The following SMURF2 variants were observed in gnomAD, a reference collection of about 807,000 sequenced individuals.
The protein encoded by SMURF2 is SMAD specific E3 ubiquitin protein ligase 2.
Under a neutral mutation model 109.6 loss-of-function variants are expected in SMURF2, and 48 were observed. The ratio of observed to expected loss-of-function variants is 0.44; its 90% CI spans 0.35 to 0.56. The LOEUF (loss-of-function observed/expected upper bound fraction) is 0.56. SMURF2 is among the 20% of genes least tolerant of loss of function. The pLI is 0.01. For synonymous variants in SMURF2, 288 were observed against 317.1 expected, an observed-to-expected ratio of 0.91 and a Z score of 0.97; for missense variants, 575 against 909.0, an observed-to-expected ratio of 0.63 and a Z score of 4.72.
chr17:64,546,458 C>A, intron 17 of SMURF2, 120 bp from the exon 18 acceptor site: 1 of 761,392 alleles, frequency 1.3e-6, no homozygotes, highest in Non-Finnish European at 2.1e-6. Context: ...GCTAATGAAT[C>A]CACACATACT....
intron 1 of SMURF2, among the ~76,000 whole-genome samples, chr17:64,620,086 G>A (rs1290183107): frequency 1.3e-5 from 2 of 152,032 alleles, no homozygotes; most frequent in African/African-American, 4.8e-5. Flanking sequence ...ACTGCACCAC[G>A]TTTCCAGTCA....
intron 1 of SMURF2, among the ~76,000 whole-genome samples, chr17:64,617,976 T>C (rs2144691937): frequency 6.6e-6 from 1 of 152,340 alleles, no homozygotes; most frequent in African/African-American, 2.4e-5. Flanking sequence ...TAGATCTACT[T>C]TGACATAATA....
chr17:64,557,409 A>G (rs943211549), intron 13 of SMURF2, among the ~76,000 whole-genome samples, 199 bp downstream of exon 13: 1 of 152,206 alleles, frequency 6.6e-6, no homozygotes, highest in African/African-American at 2.4e-5. Context: ...GTGCTACTAT[A>G]AACAATAAAC....
At chr17:64,586,315 T>C in intron 5 of SMURF2, 145 bp from the exon 6 acceptor site, 1 of 523,862 alleles carries the variant, frequency 1.9e-6, no homozygotes, top group Non-Finnish European at 3.3e-6. Context: ...AATTTATAAT[T>C]TCTTTTCCCA....
At chr17:64,656,498 C>G (rs1450209078) in intron 1 of SMURF2, among the ~76,000 whole-genome samples, 3 of 152,142 alleles carry the variant, frequency 2.0e-5, no homozygotes, top group African/African-American at 7.2e-5. Context: ...TTAGCTTATA[C>G]TTATAACAGA....
chr17:64,582,857 C>T (rs1969595966), intron 7 of SMURF2, among the ~76,000 whole-genome samples: 2 of 151,868 alleles, frequency 1.3e-5, no homozygotes, highest in African/African-American at 4.8e-5. Context: ...CCTTGGCCTT[C>T]CAAAGTGTTG....
intron 1 of SMURF2, among the ~76,000 whole-genome samples, chr17:64,609,777 T>G (rs1346517639): frequency 2.0e-5 from 3 of 151,840 alleles, no homozygotes; most frequent in Admixed American, 6.6e-5. Context: ...ACAAATGGGA[T>G]CTAACTAAAG....
intron 3 of SMURF2, among the ~76,000 whole-genome samples, chr17:64,597,739 C>T (rs1325371640): frequency 2.0e-5 from 3 of 150,504 alleles, no homozygotes; most frequent in Non-Finnish European, 4.4e-5. Flanking sequence ...TGCCACTGCA[C>T]TCCAACCTGG....
chr17:64,645,266 T>C (rs1555692900), intron 1 of SMURF2, among the ~76,000 whole-genome samples: 1 of 152,134 alleles, frequency 6.6e-6, no homozygotes, highest in African/African-American at 2.4e-5. Flanking sequence ...TAAATAAATT[T>C]GAAGAAAAAG....
intron 1 of SMURF2, among the ~76,000 whole-genome samples, chr17:64,639,502 G>A (rs575777006): frequency 6.6e-5 from 10 of 152,186 alleles, no homozygotes; most frequent in African/African-American, 2.2e-4. Context: ...ACTTGAACCC[G>A]GGAGGCGGAG....
intron 1 of SMURF2, among the ~76,000 whole-genome samples, chr17:64,648,737 G>A (rs931489968): frequency 1.3e-5 from 2 of 152,148 alleles, no homozygotes; most frequent in Admixed American, 6.6e-5. Flanking sequence ...CTGAGCGACA[G>A]AGTGAGACCC....
chr17:64,563,922 CT>C (rs1555684747), intron 10 of SMURF2, among the ~76,000 whole-genome samples: 1 of 152,096 alleles, frequency 6.6e-6, no homozygotes, highest in Non-Finnish European at 1.5e-5. Context: ...AAAATTGCTG[CT>C]CTTCAAAAGA....
intron 1 of SMURF2, among the ~76,000 whole-genome samples, chr17:64,636,749 T>G (rs566083936): frequency 6.6e-6 from 1 of 151,066 alleles, no homozygotes; most frequent in African/African-American, 2.4e-5. Flanking sequence ...GCTGCACTCC[T>G]GCCTAGGCGA....
chr17:64,558,523 G>A (rs182573414), intron 12 of SMURF2, among the ~76,000 whole-genome samples: 2 of 152,136 alleles, frequency 1.3e-5, no homozygotes, highest in East Asian at 1.9e-4. Context: ...TTTTGTTGTA[G>A]TATTAAGGAC....
At chr17:64,616,866 C>T (rs1194099184) in intron 1 of SMURF2, among the ~76,000 whole-genome samples, 2 of 150,928 alleles carry the variant, frequency 1.3e-5, no homozygotes, top group African/African-American at 2.4e-5. Context: ...CCTAGGAGTT[C>T]GAGACCAGTC....
rs1968893803 is a variant in SMURF2, at chr17:64,542,855, G to A, written c.*2993C>T. 3 of 152,112 alleles carry A rather than the reference G, an allele frequency of 2.0e-5. No individual in the cohort carries two copies. Among genetic ancestry groups the A allele is most frequent in the South Asian group, 2.1e-4 (1 of 4,824 alleles). 9.4% of individuals were successfully genotyped at this position (152,112 alleles called of 1,614,324 possible). On this transcript the variant is annotated 3_prime_UTR_variant, in exon 19 of 19. Transcript: ENST00000262435. ...AAACCCATTCGGGGCAACAAACTAT[G>A]TGCAAAACAAAATGTACACTATACA...
chr17:64,575,366 T>C (rs927111150), intron 9 of SMURF2, among the ~76,000 whole-genome samples: 2 of 152,090 alleles, frequency 1.3e-5, no homozygotes, highest in Admixed American at 1.3e-4. Flanking sequence ...TTGGCCAGGC[T>C]GGTCTCAAAT....
intron 14 of SMURF2, 136 bp downstream of exon 14, chr17:64,555,683 GA>G (rs1205140250): frequency 2.7e-5 from 14 of 516,930 alleles, no homozygotes; most frequent in Admixed American, 3.8e-5. Flanking sequence ...AGGAAAGGGG[GA>G]AATCATATGC....
At position 64,621,441 on chromosome 17, in the gene SMURF2, G is replaced by A. The variant is rs567448036; in HGVS notation, c.53-14801C>T. 5.3e-5 allele frequency among the ~76,000 whole-genome samples: 8 copies of A among 151,850 alleles called. 1 individual carries two copies. The East Asian group carries it at 9.7e-4, about 18-fold the overall frequency. On this transcript the variant is annotated intron_variant, in intron 1 of 18. Coordinates refer to ENST00000262435, the MANE Select transcript of SMURF2 (RefSeq NM_022739.4). ...CTAAAAATACAAAAATTAGCCAGGCGTCGTGGCGTGTGCCTGTAGTCCCAG... is the reference window on the plus strand; with the variant it reads ...CTAAAAATACAAAAATTAGCCAGGCATCGTGGCGTGTGCCTGTAGTCCCAG...
Sources: gnomAD v4.1 joint callset for allele counts (sites outside exome capture counted in the v4.1 genomes callset) on GRCh38, gnomAD v4.1.1 for gene constraint, MANE v1.5 for transcripts, NCBI Gene and HGNC (gene_info 2026-07-23, HGNC 2026-07-21) for gene names.